The following STAU2 variants were observed in gnomAD, a reference collection of about 807,000 sequenced individuals.
The protein encoded by STAU2 is double-stranded RNA-binding protein Staufen homolog 2.
Under a neutral mutation model 65.9 loss-of-function variants are expected in STAU2, and 20 were observed. That is an observed-to-expected ratio of 0.30 (90% confidence interval 0.21 to 0.44). STAU2 has a LOEUF of 0.44. Ranked by LOEUF, STAU2 falls within the 20% of genes least tolerant of loss-of-function variation. The pLI is 1.00. For missense variants in STAU2, 558 were observed against 683.9 expected (o/e 0.82, Z 2.05); for synonymous variants, 232 against 233.9 (o/e 0.99, Z 0.07).
intron 12 of STAU2, among the ~76,000 whole-genome samples, chr8:73,567,190 TG>T (rs1808672267): frequency 6.6e-6 from 1 of 152,130 alleles, no homozygotes; most frequent in Admixed American, 6.5e-5. Context: ...TGCCAGACAC[TG>T]TGCTATGTGA....
rs954318027 is a variant in STAU2 at position 73,484,491 on chromosome 8, G to C, written c.1531-61789C>G. On this transcript the variant is annotated intron_variant, in intron 13 of 14. Coordinates refer to ENST00000524300, the MANE Select transcript of STAU2 (RefSeq NM_001164380.2). ...AATGAAGCCCTGGAAATCTTGCAGA[G>C]TAGAACTCGGCTAATGAATGGCTTT... is the stretch of plus-strand genomic sequence containing the variant. Among the ~76,000 whole-genome samples, 44 of 152,224 alleles carry C rather than the reference G, an allele frequency of 2.9e-4. No individual in the cohort carries two copies. The East Asian group carries it at 8.3e-3, about 29-fold the overall frequency.
chr8:73,660,034 A>G (rs553301606), intron 6 of STAU2, among the ~76,000 whole-genome samples: 1 of 152,366 alleles, frequency 6.6e-6, no homozygotes, highest in South Asian at 2.1e-4. Flanking sequence ...GCATTAAAAA[A>G]AAGTGACCAA....
At chr8:73,556,782 A>G (rs1000828332) in intron 12 of STAU2, among the ~76,000 whole-genome samples, 2 of 152,180 alleles carry the variant, frequency 1.3e-5, no homozygotes, top group African/African-American at 4.8e-5. Context: ...AGTAACAGAA[A>G]GCAGGTCAGT....
chr8:73,655,165 A>G (rs75541823), intron 6 of STAU2, among the ~76,000 whole-genome samples: 1,609 of 152,362 alleles, frequency 0.011, 32 homozygotes, highest in African/African-American at 0.037. Flanking sequence ...AAAGTTACAC[A>G]TATTCTTGCA....
chr8:73,442,236 C>T (rs1818204454), intron 13 of STAU2, among the ~76,000 whole-genome samples: 1 of 151,686 alleles, frequency 6.6e-6, no homozygotes, highest in African/African-American at 2.4e-5. Context: ...TGCCTGTAGT[C>T]TCAGCTACTC....
chr8:73,651,958 T>C (rs1008937424), intron 6 of STAU2, among the ~76,000 whole-genome samples: 6 of 152,216 alleles, frequency 3.9e-5, no homozygotes, highest in Non-Finnish European at 7.3e-5. Context: ...AAGCCACCTC[T>C]TCACCAAAAG....
At position 73,616,183 on chromosome 8, in the gene STAU2, A is replaced by C. The variant is rs551642373; in HGVS notation, c.571-401T>G. On this transcript the variant is annotated intron_variant, in intron 7 of 14. Transcript: ENST00000524300. Reference sequence around the variant, plus strand: ...AGTTACAGAAAGAGTACAGGATGCAAACCAGGAGCATCCTAATTGGAGATC... The same window carrying C: ...AGTTACAGAAAGAGTACAGGATGCACACCAGGAGCATCCTAATTGGAGATC... Among the ~76,000 whole-genome samples the C allele has an allele frequency of 1.4e-4, 22 of 152,276 alleles. No individual in the cohort carries two copies. In the South Asian group the frequency reaches 4.6e-3, roughly 32 times the overall value.
At chr8:73,566,812 A>T (rs1304299021) in intron 12 of STAU2, among the ~76,000 whole-genome samples, 4 of 152,206 alleles carry the variant, frequency 2.6e-5, no homozygotes. Flanking sequence ...TATGTATACC[A>T]TGCTTAAAGG....
At chr8:73,671,054 T>C (rs952549016) in intron 6 of STAU2, among the ~76,000 whole-genome samples, 9 of 151,864 alleles carry the variant, frequency 5.9e-5, no homozygotes, top group Non-Finnish European at 1.3e-4. Flanking sequence ...CAAATTAAAA[T>C]AGACAAATCA....
intron 13 of STAU2, among the ~76,000 whole-genome samples, chr8:73,439,471 A>G (rs1437609631): frequency 1.3e-5 from 2 of 152,166 alleles, no homozygotes; most frequent in Non-Finnish European, 2.9e-5. Context: ...TACAAAAATT[A>G]GCCTCACATG....
At chr8:73,543,295 C>T (rs2128938540) in intron 13 of STAU2, among the ~76,000 whole-genome samples, 1 of 152,214 alleles carries the variant, frequency 6.6e-6, no homozygotes, top group South Asian at 2.1e-4. Context: ...GGAGGCAAAT[C>T]TTTTGCAATA....
chr8:73,700,168 C>A (rs1045949031), intron 4 of STAU2, among the ~76,000 whole-genome samples: 4 of 152,042 alleles, frequency 2.6e-5, no homozygotes, highest in African/African-American at 9.7e-5. Context: ...AAGGAACATG[C>A]CTGAACATAA....
intron 11 of STAU2, 24 bp from the exon 12 acceptor site, chr8:73,582,854 A>C (rs1431933350): frequency 6.2e-7 from 1 of 1,600,138 alleles, no homozygotes; most frequent in South Asian, 1.1e-5. Context: ...TCAATCGTTC[A>C]AATCCAGAGA....
At chr8:73,696,366 CATG>C (rs1819694256) in intron 4 of STAU2, among the ~76,000 whole-genome samples, 1 of 152,194 alleles carries the variant, frequency 6.6e-6, no homozygotes, top group Non-Finnish European at 1.5e-5. Flanking sequence ...TTCAGGAAAA[CATG>C]ACCTAACCAA....
chr8:73,475,924 T>C (rs571671388), intron 13 of STAU2, among the ~76,000 whole-genome samples: 1 of 152,216 alleles, frequency 6.6e-6, no homozygotes, highest in Non-Finnish European at 1.5e-5. Flanking sequence ...ACAGATGATA[T>C]AAAATTGACA....
rs1806590972 is a variant in STAU2 at position 73,738,362 on chromosome 8, A to G, written c.-83-13T>C. ...ACGGCTCCAAAAACTGGAAAACGAA[A>G]ATGAAGAAATAAAGTTCAACTTAGC... On this transcript the variant is annotated splice_polypyrimidine_tract_variant and intron_variant, in intron 2 of 14. Coordinates refer to ENST00000524300, the MANE Select transcript of STAU2 (RefSeq NM_001164380.2). The G allele has an allele frequency of 6.3e-7, 1 of 1,581,268 alleles. No individual in the cohort carries two copies. Among genetic ancestry groups the G allele is most frequent in the South Asian group, 1.2e-5 (1 of 85,214 alleles).
intron 13 of STAU2, chr8:73,549,510 A>G (rs1353570085): frequency 1.2e-5 from 5 of 400,592 alleles, no homozygotes; most frequent in Non-Finnish European, 1.7e-5. Context: ...GAGCTTGGAT[A>G]CCTACATTCA....
chr8:73,572,652 G>A lies in STAU2; in HGVS notation c.1222+10118C>T, dbSNP rs184991120. ...AAAGAGAACCAAAGACGAAAACCACGATTATCTCAATAGATGCAGAAAAGG... is the reference window on the plus strand; with the variant it reads ...AAAGAGAACCAAAGACGAAAACCACAATTATCTCAATAGATGCAGAAAAGG... On this transcript the variant is annotated intron_variant, in intron 12 of 14. Transcript: ENST00000524300. 2.1e-3 allele frequency among the ~76,000 whole-genome samples: 326 copies of A among 151,674 alleles called. 1 individual carries two copies. The highest frequency in any genetic ancestry group is 7.5e-3 in the African/African-American group (311 of 41,478).
intron 6 of STAU2, among the ~76,000 whole-genome samples, chr8:73,662,681 A>G (rs1427927558): frequency 6.6e-6 from 1 of 151,976 alleles, no homozygotes; most frequent in Non-Finnish European, 1.5e-5. Context: ...CAATGGCACA[A>G]TCTCAGCTCA....
Sources: allele counts gnomAD v4.1 joint callset (sites outside exome capture counted in the v4.1 genomes callset), GRCh38; gene constraint gnomAD v4.1.1; transcripts MANE v1.5; gene names NCBI Gene and HGNC (gene_info 2026-07-23, HGNC 2026-07-21).